KCND2: variants seen among roughly 807,000 people sequenced by gnomAD.
KCND2 encodes the protein A-type voltage-gated potassium channel KCND2.
In KCND2, 16 loss-of-function variants were observed where a neutral mutation model predicts 54.4. That is an observed-to-expected ratio of 0.29 (90% confidence interval 0.20 to 0.45). KCND2 has a LOEUF of 0.45. Ranked by LOEUF, KCND2 falls within the 20% of genes least tolerant of loss-of-function variation. The pLI is 1.00. For synonymous variants in KCND2, 317 were observed against 310.7 expected (o/e 1.02, Z -0.21); for missense variants, 486 against 824.2 (o/e 0.59, Z 5.02).
chr7:120,748,207 AT>A lies in KCND2; in HGVS notation c.*350del, dbSNP rs1436456584. 15 of 170,162 alleles carry A rather than the reference AT, an allele frequency of 8.8e-5. No individual in the cohort carries two copies. In the South Asian group the frequency reaches 1.7e-3, roughly 20 times the overall value. The allele number at this position is 170,162 out of a possible 1,614,324, so 10.5% of individuals were successfully genotyped here. A position where few individuals can be genotyped will look rare whatever the true frequency, so the allele number is the denominator to read the frequency against. ...TCCAGTTGAATGCAAAACAAAAAAA[AT>A]ATGGAAAACATTTTGATAAAATTTT... On this transcript the variant is annotated 3_prime_UTR_variant, in exon 6 of 6. Transcript: ENST00000331113.
intron 1 of KCND2, among the ~76,000 whole-genome samples, chr7:120,716,698 C>CTT (rs3067935): frequency 6.6e-6 from 1 of 152,208 alleles, no homozygotes; most frequent in Admixed American, 6.6e-5. Context: ...TTTCTAGGCC[C>CTT]TTTTCCCTTC....
chr7:120,726,204 AG>A, intron 1 of KCND2, among the ~76,000 whole-genome samples: 1 of 152,324 alleles, frequency 6.6e-6, no homozygotes, highest in South Asian at 2.1e-4. Flanking sequence ...GACAAAATCA[AG>A]GCAACTTTTT....
At chr7:120,563,625 A>G (rs980079750) in intron 1 of KCND2, among the ~76,000 whole-genome samples, 1 of 152,146 alleles carries the variant, frequency 6.6e-6, no homozygotes, top group African/African-American at 2.4e-5. Flanking sequence ...CATGATTTTA[A>G]AAAGCTTAAT....
chr7:120,702,259 C>T (rs571819830), intron 1 of KCND2, among the ~76,000 whole-genome samples: 37 of 152,168 alleles, frequency 2.4e-4, no homozygotes, highest in African/African-American at 7.9e-4. Context: ...CACACCATTC[C>T]GTATGGCTAT....
intron 1 of KCND2, among the ~76,000 whole-genome samples, chr7:120,307,047 A>G (rs1690395246): frequency 1.3e-5 from 2 of 152,080 alleles, no homozygotes; most frequent in Admixed American, 1.3e-4. Flanking sequence ...TTAATGTAAA[A>G]GTTTATTCAT....
intron 1 of KCND2, among the ~76,000 whole-genome samples, chr7:120,539,902 A>G (rs1327116623): frequency 6.6e-6 from 1 of 152,184 alleles, no homozygotes; most frequent in African/African-American, 2.4e-5. Flanking sequence ...AATAGCATTT[A>G]CAATAACTAG....
At chr7:120,646,618 G>C (rs773151842) in intron 1 of KCND2, among the ~76,000 whole-genome samples, 8 of 152,156 alleles carry the variant, frequency 5.3e-5, no homozygotes, top group African/African-American at 1.9e-4. Flanking sequence ...TGGACAAATG[G>C]CTTCAATTTT....
chr7:120,537,599 T>A (rs1243494386), intron 1 of KCND2, among the ~76,000 whole-genome samples: 1 of 152,264 alleles, frequency 6.6e-6, no homozygotes, highest in African/African-American at 2.4e-5. Flanking sequence ...ATAGAAAATC[T>A]GTTGCTTAGT....
intron 1 of KCND2, among the ~76,000 whole-genome samples, chr7:120,397,993 GTGTATATATATATATATATATATATA>G (rs1452076231): frequency 2.5e-5 from 1 of 39,960 alleles, no homozygotes; most frequent in African/African-American, 5.0e-5. Context: ...GTGTGTGTGT[GTGTATATATATATATATATATATATA>G]TATATATATA....
At chr7:120,370,161 AGAGC>A (rs1800745974) in intron 1 of KCND2, among the ~76,000 whole-genome samples, 1 of 152,022 alleles carries the variant, frequency 6.6e-6, no homozygotes, top group Non-Finnish European at 1.5e-5. Flanking sequence ...GGACTGAGCT[AGAGC>A]AATGGTCCTA....
chr7:120,607,792 A>G (rs73217295), intron 1 of KCND2, among the ~76,000 whole-genome samples: 232 of 152,208 alleles, frequency 1.5e-3, no homozygotes, highest in Non-Finnish European at 2.8e-3. Context: ...TAGATATAGC[A>G]TGAGTGGTAT....
chr7:120,585,926 T>G (rs1206393778), intron 1 of KCND2, among the ~76,000 whole-genome samples: 2 of 152,188 alleles, frequency 1.3e-5, no homozygotes, highest in African/African-American at 4.8e-5. Context: ...TCTCCAGGTT[T>G]CACCATGGAA....
At chr7:120,633,788 C>T (rs1228092272) in intron 1 of KCND2, among the ~76,000 whole-genome samples, 1 of 152,168 alleles carries the variant, frequency 6.6e-6, no homozygotes, top group Admixed American at 6.6e-5. Flanking sequence ...AGAAAACTTA[C>T]TAATAACTCA....
At chr7:120,352,457 C>CAT (rs1220901775) in intron 1 of KCND2, among the ~76,000 whole-genome samples, 364 of 21,752 alleles carry the variant, frequency 0.017, 5 homozygotes, top group African/African-American at 0.021. Flanking sequence ...TACACACATA[C>CAT]ATACACACAC....
At chr7:120,496,411 A>T (rs1802847688) in intron 1 of KCND2, among the ~76,000 whole-genome samples, 1 of 151,340 alleles carries the variant, frequency 6.6e-6, no homozygotes, top group East Asian at 1.9e-4. Flanking sequence ...TTTTATATAT[A>T]TATAAAAATA....
chr7:120,335,170 G>C (rs1302478416), intron 1 of KCND2, among the ~76,000 whole-genome samples: 1 of 151,872 alleles, frequency 6.6e-6, no homozygotes, highest in African/African-American at 2.4e-5. Flanking sequence ...TTTGAGACCA[G>C]ACTGCAACAT....
intron 1 of KCND2, among the ~76,000 whole-genome samples, chr7:120,654,248 C>G (rs1286083101): frequency 6.6e-6 from 1 of 151,912 alleles, no homozygotes; most frequent in African/African-American, 2.4e-5. Flanking sequence ...AATATGTTTT[C>G]TACATATCAA....
At chr7:120,301,305 A>C (rs1470599683) in intron 1 of KCND2, among the ~76,000 whole-genome samples, 1 of 152,204 alleles carries the variant, frequency 6.6e-6, no homozygotes, top group Non-Finnish European at 1.5e-5. Flanking sequence ...AAATCTGCTT[A>C]GCAGATATTA....
chr7:120,677,480 A>G (rs1417634660), intron 1 of KCND2, among the ~76,000 whole-genome samples: 1 of 151,536 alleles, frequency 6.6e-6, no homozygotes. Flanking sequence ...TCTGCTGTTA[A>G]GTTGAGTTTC....
Sources: gnomAD v4.1 joint callset for allele counts (sites outside exome capture counted in the v4.1 genomes callset) on GRCh38, gnomAD v4.1.1 for gene constraint, MANE v1.5 for transcripts, NCBI Gene and HGNC (gene_info 2026-07-23, HGNC 2026-07-21) for gene names.